NBAS: variants seen among roughly 807,000 people sequenced by gnomAD.
NBAS encodes NAG/BC035112 fusion.
A neutral mutation model predicts 302.5 loss-of-function variants in NBAS; 219 were observed. The ratio of observed to expected loss-of-function variants is 0.72; its 90% CI spans 0.65 to 0.81. The LOEUF is 0.81. Among genes scored for constraint, NBAS ranks in the 30% least tolerant of loss-of-function variants. The pLI is 0.00. For synonymous variants in NBAS, 1,118 were observed against 1,021.6 expected, an observed-to-expected ratio of 1.09 and a Z score of -1.80; for missense variants, 2,932 against 2,841.6, an observed-to-expected ratio of 1.03 and a Z score of -0.72.
chr2:14,945,713 A>G, the NBAS span, among the ~76,000 whole-genome samples: 1 of 152,232 alleles, frequency 6.6e-6, no homozygotes, highest in African/African-American at 2.4e-5. Context: ...TAGCTTGAAG[A>G]CAGGCTACTT....
chr2:15,337,020 T>C (rs1029814658), intron 35 of NBAS, among the ~76,000 whole-genome samples: 5 of 152,136 alleles, frequency 3.3e-5, no homozygotes, highest in African/African-American at 1.2e-4. Flanking sequence ...ATACCTGTAA[T>C]CCTACTAGTT....
chr2:15,121,730 AT>A, the NBAS span, among the ~76,000 whole-genome samples: 78,256 of 141,808 alleles, frequency 0.55, 21,644 homozygotes, highest in East Asian at 0.63. Flanking sequence ...TACAAAAAAA[AT>A]TTTTTTTTTT....
At chr2:14,782,715 A>G in the NBAS span, among the ~76,000 whole-genome samples, 326 of 152,332 alleles carry the variant, frequency 2.1e-3, 2 homozygotes, top group African/African-American at 6.9e-3. Flanking sequence ...CTAAATGCCC[A>G]CCAATGTTAG....
the NBAS span, among the ~76,000 whole-genome samples, chr2:14,887,484 G>T: frequency 6.6e-6 from 1 of 151,522 alleles, no homozygotes; most frequent in Admixed American, 6.6e-5. Context: ...AGAAATACGA[G>T]GCAGGGAGGG....
At chr2:15,040,717 C>A in the NBAS span, among the ~76,000 whole-genome samples, 2 of 152,260 alleles carry the variant, frequency 1.3e-5, no homozygotes, top group South Asian at 4.1e-4. Context: ...TCTTTCTAAG[C>A]CCCACCCTTG....
the NBAS span, among the ~76,000 whole-genome samples, chr2:14,832,134 C>G: frequency 6.6e-6 from 1 of 152,164 alleles, no homozygotes; most frequent in Non-Finnish European, 1.5e-5. Flanking sequence ...CTTTCCCCCA[C>G]CCTCCACCCT....
chr2:14,908,547 C>A, the NBAS span, among the ~76,000 whole-genome samples: 1 of 152,116 alleles, frequency 6.6e-6, no homozygotes, highest in Non-Finnish European at 1.5e-5. Context: ...GGTTCCCTGG[C>A]CTTAAAAAGA....
intron 42 of NBAS, among the ~76,000 whole-genome samples, chr2:15,285,784 C>T (rs1459803669): frequency 6.6e-6 from 1 of 152,184 alleles, no homozygotes; most frequent in East Asian, 1.9e-4. Flanking sequence ...TCCTGAGTAG[C>T]TGGGATTACA....
At position 15,349,335 on chromosome 2, in the gene NBAS, G is replaced by T. The variant is rs142232809; in HGVS notation, c.4179+2657C>A. Among the ~76,000 whole-genome samples the T allele has an allele frequency of 9.8e-5, 15 of 152,300 alleles. No homozygotes were observed. The East Asian group carries it at 2.7e-3, about 27-fold the overall frequency. On this transcript the variant is annotated intron_variant, in intron 35 of 51. Coordinates refer to ENST00000281513, the MANE Select transcript of NBAS (RefSeq NM_015909.4). The stretch of plus-strand genomic sequence containing the variant: ...TGACCCATTAGCTAGTATAAGAACT[G>T]TTCTGAATCCCACAGAGAGAACAGC...
intron 44 of NBAS, among the ~76,000 whole-genome samples, chr2:15,259,539 T>A (rs1006196123): frequency 2.0e-5 from 3 of 152,218 alleles, no homozygotes; most frequent in African/African-American, 7.2e-5. Context: ...TAATCCTTTC[T>A]CTGTCCCTTT....
chr2:15,508,814 G>A (rs1174752873), intron 10 of NBAS, among the ~76,000 whole-genome samples: 1 of 152,066 alleles, frequency 6.6e-6, no homozygotes, highest in Non-Finnish European at 1.5e-5. Flanking sequence ...GATCAGCCTG[G>A]CCAACATGGG....
chr2:14,969,620 G>C, the NBAS span, among the ~76,000 whole-genome samples: 1 of 152,048 alleles, frequency 6.6e-6, no homozygotes, highest in African/African-American at 2.4e-5. Context: ...CAGGTGATCC[G>C]CCTGCCTCGG....
chr2:15,220,172 C>CA (rs1666884620), intron 47 of NBAS, among the ~76,000 whole-genome samples: 1 of 140,586 alleles, frequency 7.1e-6, no homozygotes, highest in Non-Finnish European at 1.6e-5. Context: ...GCTGGCCGGG[C>CA]GGGGGGCTGA....
rs181436753 is a variant in NBAS at position 15,359,106 on chromosome 2, C to T, written c.3818-2690G>A. On this transcript the variant is annotated intron_variant, in intron 32 of 51. Coordinates refer to ENST00000281513, the MANE Select transcript of NBAS (RefSeq NM_015909.4). ...GCATCAAAAAGCCCAACAGAACCTT[C>T]TATACTTTCCCACTGAAGCCCTAGC... 1.4e-3 allele frequency among the ~76,000 whole-genome samples: 207 copies of T among 152,300 alleles called. 5 individuals carry two copies. The highest frequency in any genetic ancestry group is 5.3e-4 in the Non-Finnish European group (36 of 68,020).
chr2:15,132,300 C>T, the NBAS span, among the ~76,000 whole-genome samples: 1 of 152,168 alleles, frequency 6.6e-6, no homozygotes, highest in South Asian at 2.1e-4. Context: ...TATGTACATA[C>T]TTCTAAGTGA....
At chr2:15,236,436 C>T (rs1350524941) in intron 45 of NBAS, among the ~76,000 whole-genome samples, 2 of 143,394 alleles carry the variant, frequency 1.4e-5, no homozygotes, top group African/African-American at 5.3e-5. Flanking sequence ...GTAGTCCCAG[C>T]TACTCAAGAG....
At chr2:15,396,567 G>A in intron 26 of NBAS, 92 bp from the exon 27 acceptor site, 1 of 825,360 alleles carries the variant, frequency 1.2e-6, no homozygotes, top group Non-Finnish European at 1.9e-6. Flanking sequence ...AAAAAAAGAT[G>A]TTTCTTTTAT....
At chr2:15,023,135 T>C in the NBAS span, among the ~76,000 whole-genome samples, 1,893 of 152,282 alleles carry the variant, frequency 0.012, 41 homozygotes, top group African/African-American at 0.044. Flanking sequence ...GGATGCATTT[T>C]GTCAGTTTGA....
At position 15,305,104 on chromosome 2, in the gene NBAS, G is replaced by A. The variant is rs954711865; in HGVS notation, c.4797+3112C>T. On this transcript the variant is annotated intron_variant, in intron 40 of 51. Transcript: ENST00000281513. ...TGAAAGGGATATGAGATTTGGGAGA[G>A]GCCAGAGGCAGAATGATATGATTAC... Among the ~76,000 whole-genome samples, 5 of 152,102 alleles carry A rather than the reference G, an allele frequency of 3.3e-5. No homozygotes were observed. In the East Asian group the frequency reaches 9.6e-4, roughly 29 times the overall value.
Sources: gnomAD v4.1 joint callset for allele counts (sites outside exome capture counted in the v4.1 genomes callset) on GRCh38, gnomAD v4.1.1 for gene constraint, MANE v1.5 for transcripts, NCBI Gene and HGNC (gene_info 2026-07-23, HGNC 2026-07-21) for gene names.